DAGLB: variants seen among roughly 807,000 people sequenced by gnomAD.
DAGLB encodes diacylglycerol lipase-beta.
A neutral mutation model predicts 72.1 loss-of-function variants in DAGLB; 66 were observed. The ratio of observed to expected loss-of-function variants is 0.92; its 90% CI spans 0.75 to 1.12. The LOEUF (loss-of-function observed/expected upper bound fraction) is 1.12, where lower values mean the gene tolerates loss of function less well. DAGLB is among the 50% of genes most tolerant of loss of function. The pLI, the probability that DAGLB is intolerant of heterozygous loss-of-function variation, is 0.00. For synonymous variants in DAGLB, 414 were observed against 359.5 expected (o/e 1.15, Z -1.71); for missense variants, 1,065 against 884.9 (o/e 1.20, Z -2.58).
intron 7 of DAGLB, 48 bp downstream of exon 7, chr7:6,425,940 C>T: frequency 6.2e-7 from 1 of 1,607,776 alleles, no homozygotes; most frequent in South Asian, 1.1e-5. Flanking sequence ...TCTCTAACAG[C>T]TCCAGGACCC....
intron 4 of DAGLB, 42 bp downstream of exon 4, chr7:6,434,720 T>C (rs936666456): frequency 5.0e-6 from 8 of 1,607,978 alleles, no homozygotes; most frequent in Non-Finnish European, 6.8e-6. Context: ...AAGCATTTAC[T>C]GAAACAGAAG....
intron 11 of DAGLB, among the ~76,000 whole-genome samples, chr7:6,413,804 GAGA>G (rs1221275096): frequency 1.3e-5 from 2 of 152,344 alleles, no homozygotes; most frequent in East Asian, 1.9e-4. Flanking sequence ...GCACAGCTGG[GAGA>G]AGGAGGAGGA....
intron 2 of DAGLB, among the ~76,000 whole-genome samples, chr7:6,441,445 T>C (rs1261588098): frequency 1.5e-5 from 2 of 137,528 alleles, no homozygotes; most frequent in African/African-American, 2.8e-5. Flanking sequence ...TGAGACAGAG[T>C]CTCACTCTGT....
Position 6,410,395 on chromosome 7 carries a change from C to T in DAGLB, c.1570-15G>A. On this transcript the variant is annotated splice_polypyrimidine_tract_variant and intron_variant, in intron 13 of 14. Coordinates refer to ENST00000297056, the MANE Select transcript of DAGLB (RefSeq NM_139179.4). ...AAGATCTTGTACTGAGGGCGAGACC[C>T]AATCAGTAGAATGCTGTCACTCACC... The T allele has an allele frequency of 6.3e-7, 1 of 1,594,284 alleles. No homozygotes were observed. The highest frequency in any genetic ancestry group is 8.6e-7 in the Non-Finnish European group (1 of 1,167,844).
In DAGLB at chr7:6,436,399, T is replaced by C; in HGVS notation, c.382A>G (p.Thr128Ala). 1 of 1,613,800 alleles carries C rather than the reference T, an allele frequency of 6.2e-7. No homozygotes were observed. Among genetic ancestry groups the C allele is most frequent in the Non-Finnish European group, 8.5e-7 (1 of 1,179,958 alleles). ...GTTGCGATGATGCCGTTTACAACTG[T>C]CCTGTCGCACTGAACACCATCTGCC... Reference protein sequence around the residue: ...WVADGVQCDRTVVNGIIATVV... With the variant: ...WVADGVQCDRAVVNGIIATVV... The change falls in exon 3 of 15, where the codon ACA becomes GCA. Residue 128 changes from threonine (T) to alanine (A), a missense_variant. Coordinates refer to ENST00000297056, the MANE Select transcript of DAGLB (RefSeq NM_139179.4).
chr7:6,418,083 C>G (rs572381041), intron 9 of DAGLB, among the ~76,000 whole-genome samples: 2 of 152,174 alleles, frequency 1.3e-5, no homozygotes, highest in East Asian at 1.9e-4. Flanking sequence ...GTTGGCCAGG[C>G]TAGTCTCGAA....
At chr7:6,425,463 G>A (rs1784277694) in intron 7 of DAGLB, among the ~76,000 whole-genome samples, 1 of 152,118 alleles carries the variant, frequency 6.6e-6, no homozygotes, top group African/African-American at 2.4e-5. Context: ...GTAGAGATGG[G>A]GTTTCACCAT....
chr7:6,412,553 T>C lies in DAGLB; in HGVS notation c.1569+258A>G, dbSNP rs930906475. ...CTCCTGCCTTGGCCTCCTGAGGTGC[T>C]GGGATTCCAGGCATACACCACTGCT... is the stretch of plus-strand genomic sequence containing the variant. On this transcript the variant is annotated intron_variant, in intron 13 of 14. Transcript: ENST00000297056. 2.2e-5 allele frequency: 11 copies of C among 494,334 alleles called. No individual in the cohort carries two copies. The Admixed American group carries it at 2.6e-4, about 12-fold the overall frequency. 30.6% of individuals were successfully genotyped at this position (494,334 alleles called of 1,614,324 possible). A position where few individuals can be genotyped will look rare whatever the true frequency, so the allele number is the denominator to read the frequency against.
chr7:6,416,593 A>G (rs370972752), intron 11 of DAGLB, 34 bp downstream of exon 11: 3 of 1,560,954 alleles, frequency 1.9e-6, no homozygotes, highest in Non-Finnish European at 2.6e-6. Flanking sequence ...ACTTGTAAGT[A>G]GCAAGCTGTT....
At position 6,421,638 on chromosome 7, in the gene DAGLB, G is replaced by T. The variant is rs1469946539; in HGVS notation, c.1218+89C>A. The T allele has an allele frequency of 3.0e-6, 4 of 1,344,680 alleles. No individual in the cohort carries two copies. In the East Asian group the frequency reaches 1.0e-4, roughly 34 times the overall value. 83.3% of individuals were successfully genotyped at this position (1,344,680 alleles called of 1,614,324 possible). A position where few individuals can be genotyped will look rare whatever the true frequency, so the allele number is the denominator to read the frequency against. On this transcript the variant is annotated intron_variant, in intron 9 of 14. Coordinates refer to ENST00000297056, the MANE Select transcript of DAGLB (RefSeq NM_139179.4). ...GCAGGCAGCGCGGGAGGCGCAGGCA[G>T]CGCGGGCTCTGTGCAGTCCCTGACC...
chr7:6,429,908 G>C lies in DAGLB; in HGVS notation c.929+572C>G, dbSNP rs555712976. Among the ~76,000 whole-genome samples, 13 of 152,186 alleles carry C rather than the reference G, an allele frequency of 8.5e-5. No individual in the cohort carries two copies. The East Asian group carries it at 1.4e-3, about 16-fold the overall frequency. The stretch of plus-strand genomic sequence containing the variant: ...AAATACAAAAAATTAGCCAGCAGTG[G>C]TGGCGGGCGCCTGTAGTCCCAGTTA... On this transcript the variant is annotated intron_variant, in intron 6 of 14. Coordinates refer to ENST00000297056, the MANE Select transcript of DAGLB (RefSeq NM_139179.4).
At chr7:6,444,205 T>G (rs1450794191) in intron 2 of DAGLB, among the ~76,000 whole-genome samples, 4 of 152,154 alleles carry the variant, frequency 2.6e-5, no homozygotes, top group Non-Finnish European at 5.9e-5. Flanking sequence ...CCCAGGTATT[T>G]GAGGCTGCAG....
At chr7:6,432,994 C>A (rs1479406942) in intron 4 of DAGLB, 35 bp from the exon 5 acceptor site, 1 of 1,602,306 alleles carries the variant, frequency 6.2e-7, no homozygotes, top group African/African-American at 1.3e-5. Flanking sequence ...GTCATAAAAC[C>A]CAGCAGGCAC....
chr7:6,432,301 G>T (rs1242520613), intron 5 of DAGLB, among the ~76,000 whole-genome samples: 3 of 151,436 alleles, frequency 2.0e-5, no homozygotes. Flanking sequence ...AGCCAATTGT[G>T]TCATTGCACT....
chr7:6,430,250 C>CATATACATATATATAT (rs1491373912), intron 6 of DAGLB, among the ~76,000 whole-genome samples: 2 of 45,748 alleles, frequency 4.4e-5, no homozygotes, highest in African/African-American at 2.1e-4. Context: ...AATACATGTG[C>CATATACATATATATAT]ATATATATAT....
chr7:6,437,465 T>G (rs1784701640), intron 2 of DAGLB, among the ~76,000 whole-genome samples: 1 of 152,082 alleles, frequency 6.6e-6, no homozygotes, highest in South Asian at 2.1e-4. Context: ...AAGGTCTCAC[T>G]CTCTTGCCCA....
Position 6,419,584 on chromosome 7 carries a change from C to T in DAGLB, c.1218+2143G>A, listed in dbSNP as rs113535932. Among the ~76,000 whole-genome samples the T allele has an allele frequency of 6.8e-3, 1,030 of 152,344 alleles. 6 individuals are homozygous for T. Among genetic ancestry groups the T allele is most frequent in the Middle Eastern group, 0.021 (6 of 292 alleles). ...CACAAATGAAGCCAAGAGGACAGGA[C>T]AGGCCCTGAGCGGCAGCCTTCCCGA... is the stretch of plus-strand genomic sequence containing the variant. On this transcript the variant is annotated intron_variant, in intron 9 of 14. Coordinates refer to ENST00000297056, the MANE Select transcript of DAGLB (RefSeq NM_139179.4).
intron 11 of DAGLB, chr7:6,416,416 G>A (rs1346102514): frequency 7.5e-6 from 4 of 534,956 alleles, no homozygotes; most frequent in Non-Finnish European, 9.0e-6. Flanking sequence ...GCTGGCGGGT[G>A]TCTGTAGTCC....
At chr7:6,428,315 C>CAAAAAAAAAAAA (rs749361631) in intron 6 of DAGLB, among the ~76,000 whole-genome samples, 3 of 76,936 alleles carry the variant, frequency 3.9e-5, no homozygotes, top group Admixed American at 1.5e-4. Context: ...GACTCTGTCT[C>CAAAAAAAAAAAA]AAAAAAAAAA....
Sources: gnomAD v4.1 joint callset for allele counts (sites outside exome capture counted in the v4.1 genomes callset) on GRCh38, gnomAD v4.1.1 for gene constraint, MANE v1.5 for transcripts, NCBI Gene and HGNC (gene_info 2026-07-23, HGNC 2026-07-21) for gene names.